Variants in VCPIP1 observed in about 807,000 individuals in gnomAD.
The protein encoded by VCPIP1 is valosin containing protein interacting protein 1, also known as deubiquitinating protein VCPIP1.
In VCPIP1, 8 loss-of-function variants were observed where a neutral mutation model predicts 85.0. That is an observed-to-expected ratio of 0.09 (90% CI 0.06 to 0.17). The LOEUF is 0.17. Among genes scored for constraint, VCPIP1 ranks in the 10% least tolerant of loss-of-function variants. The probability of loss-of-function intolerance (pLI) is 1.00; values close to 1 mark genes in which losing one functional copy is unlikely to be tolerated. For synonymous variants in VCPIP1, 543 were observed against 544.5 expected (o/e 1.00, Z 0.04); for missense variants, 1,070 against 1,486.3 (o/e 0.72, Z 4.61).
At chr8:66,649,078 A>G (rs1811026900) in intron 2 of VCPIP1, among the ~76,000 whole-genome samples, 2 of 152,026 alleles carry the variant, frequency 1.3e-5, no homozygotes, top group South Asian at 4.2e-4. Flanking sequence ...GATGAGGATC[A>G]CTTGAGCCCA....
chr8:66,661,790 G>A (rs1404240654), intron 1 of VCPIP1, among the ~76,000 whole-genome samples: 1 of 144,592 alleles, frequency 6.9e-6, no homozygotes, highest in Non-Finnish European at 1.5e-5. Flanking sequence ...TTGAGATACA[G>A]TCTTGTTCTG....
At chr8:66,646,032 T>G (rs1032699671) in intron 2 of VCPIP1, among the ~76,000 whole-genome samples, 4 of 151,706 alleles carry the variant, frequency 2.6e-5, no homozygotes, top group African/African-American at 9.7e-5. Flanking sequence ...CTCCTCAACT[T>G]ACAACGGGTT....
At chr8:66,652,010 CAAA>C (rs113576250) in intron 1 of VCPIP1, among the ~76,000 whole-genome samples, 2 of 73,540 alleles carry the variant, frequency 2.7e-5, no homozygotes, top group African/African-American at 4.3e-5. Context: ...TCTATCTCTA[CAAA>C]AAAAAAAAAA....
intron 1 of VCPIP1, among the ~76,000 whole-genome samples, chr8:66,653,062 T>G (rs201569936): frequency 1.3e-5 from 2 of 152,232 alleles, no homozygotes; most frequent in Non-Finnish European, 2.9e-5. Flanking sequence ...TATGTGGCAG[T>G]TGGCTAAACT....
At chr8:66,657,574 T>A (rs1298841898) in intron 1 of VCPIP1, among the ~76,000 whole-genome samples, 1 of 152,222 alleles carries the variant, frequency 6.6e-6, no homozygotes, top group Non-Finnish European at 1.5e-5. Flanking sequence ...GTCACACAAC[T>A]TTAGTGTCAC....
At position 66,667,224 on chromosome 8, in the gene VCPIP1, TCAGA is replaced by T; in HGVS notation, c.-270_-267del. 2 of 606,304 alleles carry T rather than the reference TCAGA, an allele frequency of 3.3e-6. No individual in the cohort carries two copies. The highest frequency in any genetic ancestry group is 3.0e-5 in the East Asian group (1 of 33,440). 37.6% of individuals were successfully genotyped at this position (606,304 alleles called of 1,614,324 possible). The stretch of plus-strand genomic sequence containing the variant: ...CTCACTCACTCTCGCTCTCTCTCCC[TCAGA>T]CACAGACATACACGCCCTCATTGAG... On this transcript the variant is annotated 5_prime_UTR_variant, in exon 1 of 3. Transcript: ENST00000310421.
At chr8:66,639,321 CTTTTTTTTTTTT>C (rs57563619) in intron 2 of VCPIP1, among the ~76,000 whole-genome samples, 1 of 67,808 alleles carries the variant, frequency 1.5e-5, no homozygotes, top group South Asian at 7.0e-4. Context: ...TAATTTTATT[CTTTTTTTTTTTT>C]TTTTTTTTTT....
chr8:66,634,704 C>G lies in VCPIP1; in HGVS notation c.3466G>C (p.Gly1156Arg). Reference sequence around the variant, plus strand: ...GTTAAAGGAAAAGATTCAGGCAAACCAGTCTGAAGACTCCCAGACTTTGCA... The same window carrying G: ...GTTAAAGGAAAAGATTCAGGCAAACGAGTCTGAAGACTCCCAGACTTTGCA... Reference protein sequence around the residue: ...SSAKSGSLQTGLPESFPLTGG... With the variant: ...SSAKSGSLQTRLPESFPLTGG... The change falls in exon 3 of 3, where the codon GGT becomes CGT. Residue 1156 changes from glycine to arginine, a missense_variant. Gly to Arg is a moderately radical substitution (Grantham distance 125, BLOSUM62 -2). Transcript: ENST00000310421. 6.2e-7 allele frequency: 1 copy of G among 1,614,144 alleles called. No individual in the cohort carries two copies. The highest frequency in any genetic ancestry group is 8.5e-7 in the Non-Finnish European group (1 of 1,180,012).
intron 1 of VCPIP1, among the ~76,000 whole-genome samples, chr8:66,655,403 A>C (rs1465243780): frequency 6.6e-6 from 1 of 152,208 alleles, no homozygotes; most frequent in African/African-American, 2.4e-5. Context: ...TCTAGTGATA[A>C]GCAGAAAAGC....
At chr8:66,663,932 G>C (rs2976263) in intron 1 of VCPIP1, among the ~76,000 whole-genome samples, 1 of 152,108 alleles carries the variant, frequency 6.6e-6, no homozygotes, top group Non-Finnish European at 1.5e-5. Flanking sequence ...AGGATCAATA[G>C]AGCCTACCAA....
intron 2 of VCPIP1, among the ~76,000 whole-genome samples, chr8:66,642,867 A>G (rs1323691994): frequency 6.6e-6 from 1 of 152,176 alleles, no homozygotes; most frequent in Non-Finnish European, 1.5e-5. Context: ...CATGGAAGAT[A>G]GTGCATATTG....
rs2936696 is a variant in VCPIP1, at chr8:66,667,056, G to A, written c.-98C>T. On this transcript the variant is annotated 5_prime_UTR_variant, in exon 1 of 3. Transcript: ENST00000310421. ...CCCGACTCGGTCCAGTCCAGGCCCA[G>A]GGCGAAGCACTTTCCTTTCCCTACC... The A allele has an allele frequency of 0.022, 30,875 of 1,416,764 alleles. 460 individuals are homozygous for A. Among genetic ancestry groups the A allele is most frequent in the Admixed American group, 0.06 (2,024 of 33,672 alleles). The allele number at this position is 1,416,764 out of a possible 1,614,324, so 87.8% of individuals were successfully genotyped here.
At chr8:66,646,187 C>G (rs977398825) in intron 2 of VCPIP1, among the ~76,000 whole-genome samples, 6 of 151,832 alleles carry the variant, frequency 4.0e-5, no homozygotes, top group African/African-American at 1.5e-4. Context: ...CTTCTCCTGC[C>G]TCAGCCTCCC....
chr8:66,638,243 C>T (rs935734948), intron 2 of VCPIP1, among the ~76,000 whole-genome samples: 2 of 152,168 alleles, frequency 1.3e-5, no homozygotes, highest in Non-Finnish European at 2.9e-5. Flanking sequence ...GTAATCCCAG[C>T]ACTAGGGGAG....
Position 66,665,456 on chromosome 8 carries a change from C to A in VCPIP1, c.1503G>T (p.Gln501His). Residue 501 changes from glutamine to histidine, a missense_variant, in exon 1 of 3, where the codon CAG (glutamine) becomes CAT (histidine). Gln to His is a conservative substitution (Grantham distance 24). Around this residue, in one of 8 missense-constraint regions of VCPIP1, gnomAD observed 123 missense variants for 156.3 expected, o/e 0.79. Coordinates refer to ENST00000310421, the MANE Select transcript of VCPIP1 (RefSeq NM_025054.5). This position sits in a 1 kb window ranked among gnomAD's most constrained non-coding sequence, Gnocchi z 4.3. ...LYNLAKSTHGQLRTDKNYSFP... is the reference protein window; with the variant it reads ...LYNLAKSTHGHLRTDKNYSFP... Reference sequence around the variant, plus strand: ...AGCTGTAATTTTTGTCAGTCCTCAGCTGTCCATGAGTACTTTTTGCCAGGT... The same window carrying A: ...AGCTGTAATTTTTGTCAGTCCTCAGATGTCCATGAGTACTTTTTGCCAGGT... 1.2e-6 allele frequency: 2 copies of A among 1,614,250 alleles called. No individual in the cohort carries two copies. Among genetic ancestry groups the A allele is most frequent in the Non-Finnish European group, 1.7e-6 (2 of 1,180,048 alleles).
At position 66,630,138 on chromosome 8, in the gene VCPIP1, G is replaced by A. The variant is rs1586618846; in HGVS notation, c.*4363C>T. ...GATATAAAAGAAAACTTCAAATACT[G>A]TACAGTAAGGTGTGCTGTAGAACAC... On this transcript the variant is annotated 3_prime_UTR_variant, in exon 3 of 3. Transcript: ENST00000310421. The A allele has an allele frequency of 3.9e-5, 6 of 152,078 alleles. No homozygotes were observed. Among genetic ancestry groups the A allele is most frequent in the Admixed American group, 3.9e-4 (6 of 15,270 alleles). The allele number at this position is 152,078 out of a possible 1,614,324, so 9.4% of individuals were successfully genotyped here.
intron 2 of VCPIP1, 29 bp from the exon 3 acceptor site, chr8:66,635,401 T>C (rs1586620815): frequency 1.3e-6 from 2 of 1,554,202 alleles, no homozygotes; most frequent in Non-Finnish European, 1.7e-6. Context: ...ATTTAACATA[T>C]TAAAATCTTA....
At position 66,666,998 on chromosome 8, in the gene VCPIP1, C is replaced by T. The variant is rs1183437616; in HGVS notation, c.-40G>A. 6.8e-7 allele frequency: 1 copy of T among 1,478,676 alleles called. No individual in the cohort carries two copies. Among genetic ancestry groups the T allele is most frequent in the Non-Finnish European group, 8.9e-7 (1 of 1,121,552 alleles). The allele number at this position is 1,478,676 out of a possible 1,614,324, so 91.6% of individuals were successfully genotyped here. On this transcript the variant is annotated 5_prime_UTR_variant, in exon 1 of 3. Transcript: ENST00000310421. The surrounding 1 kb of genome is among the most constrained non-coding windows in gnomAD (Gnocchi z 6.3). ...GTGTCTCGCTCCGCGTCCCAGGCGA[C>T]CCTCAAAAGCTCATAGCCCAGACCC...
rs747802022 is a variant in VCPIP1, at chr8:66,634,725, T to C, written c.3445A>G (p.Lys1149Glu). 2.5e-6 allele frequency: 4 copies of C among 1,614,236 alleles called. No homozygotes were observed. Among genetic ancestry groups the C allele is most frequent in the African/African-American group, 1.3e-5 (1 of 75,072 alleles). The change falls in exon 3 of 3, where the codon AAG (lysine) becomes GAG (glutamate). Residue 1149 changes from lysine to glutamate, a missense_variant. By Grantham distance (56) the Lys-to-Glu change is moderately conservative (BLOSUM62 1). Coordinates refer to ENST00000310421, the MANE Select transcript of VCPIP1 (RefSeq NM_025054.5). ...AAACCAGTCTGAAGACTCCCAGACT[T>C]TGCAGAAGAACTCACAACTTCTGTT... is the stretch of plus-strand genomic sequence containing the variant. Reference protein sequence around the residue: ...RKTEVVSSSAKSGSLQTGLPE... With the variant: ...RKTEVVSSSAESGSLQTGLPE...
Sources: allele counts gnomAD v4.1 joint callset (sites outside exome capture counted in the v4.1 genomes callset), GRCh38; gene constraint gnomAD v4.1.1; regional missense constraint gnomAD v4.1.1; non-coding constraint Gnocchi (gnomAD v3.1); transcripts MANE v1.5; gene names NCBI Gene and HGNC (gene_info 2026-07-23, HGNC 2026-07-21).